The following RELN variants were observed in gnomAD, a reference collection of about 807,000 sequenced individuals.
The protein encoded by RELN is reelin.
Under a neutral mutation model 427.6 loss-of-function variants are expected in RELN, and 108 were observed. That is an observed-to-expected ratio of 0.25 (90% confidence interval 0.22 to 0.30). RELN has a LOEUF of 0.30. RELN is among the 10% of genes least tolerant of loss of function. RELN has a pLI of 1.00. For missense variants in RELN, 3,715 were observed against 4,302.8 expected, an observed-to-expected ratio of 0.86 and a Z score of 3.82; for synonymous variants, 1,524 against 1,513.4, an observed-to-expected ratio of 1.01 and a Z score of -0.16.
rs1031788634 is a variant in RELN at position 103,604,537 on chromosome 7, T to A, written c.3009-54A>T. ...CGGTTTCAACCTTTCAGCAGTGACATTGGCAAAGAATGTCAGAGTCCAAAA... is the reference window on the plus strand; with the variant it reads ...CGGTTTCAACCTTTCAGCAGTGACAATGGCAAAGAATGTCAGAGTCCAAAA... On this transcript the variant is annotated intron_variant, in intron 22 of 64. Coordinates refer to ENST00000428762, the MANE Select transcript of RELN (RefSeq NM_005045.4). 9 of 1,597,828 alleles carry A rather than the reference T, an allele frequency of 5.6e-6. No homozygotes were observed. The African/African-American group carries it at 9.4e-5, about 17-fold the overall frequency.
At chr7:103,483,879 T>TTTTA (rs758233251) in intron 61 of RELN, 29 bp from the exon 62 acceptor site, 21 of 1,601,474 alleles carry the variant, frequency 1.3e-5, no homozygotes, top group South Asian at 4.4e-5. Context: ...TCATCTTTAT[T>TTTTA]TTTATTTATT....
intron 44 of RELN, among the ~76,000 whole-genome samples, chr7:103,539,916 C>T (rs913267731): frequency 6.6e-6 from 1 of 152,202 alleles, no homozygotes; most frequent in Admixed American, 6.5e-5. Context: ...CCTTGTATCA[C>T]GCTTGATAAA....
chr7:103,635,342 A>T, intron 19 of RELN, 83 bp downstream of exon 19: 1 of 1,485,392 alleles, frequency 6.7e-7, no homozygotes. Flanking sequence ...AAAAATATCT[A>T]GAATTTTATA....
rs1833132297 is a variant in RELN at position 103,661,225 on chromosome 7, GA to G, written c.1441+150del. ...AGCGGGGCTGGCCTGAAACACGGGG[GA>G]GTACCACAGGCTTCTGCTCTGTCTG... is the stretch of plus-strand genomic sequence containing the variant. On this transcript the variant is annotated intron_variant, in intron 12 of 64. Coordinates refer to ENST00000428762, the MANE Select transcript of RELN (RefSeq NM_005045.4). The G allele has an allele frequency of 2.0e-5, 17 of 839,322 alleles. No homozygotes were observed. In the East Asian group the frequency reaches 4.5e-4, roughly 22 times the overall value. 52.0% of individuals were successfully genotyped at this position (839,322 alleles called of 1,614,324 possible). A position where few individuals can be genotyped will look rare whatever the true frequency, so the allele number is the denominator to read the frequency against.
At chr7:103,758,399 T>C (rs977189090) in intron 4 of RELN, among the ~76,000 whole-genome samples, 2 of 152,100 alleles carry the variant, frequency 1.3e-5, no homozygotes, top group African/African-American at 2.4e-5. Context: ...AAAAAACAAG[T>C]AAAAGCAAGC....
intron 10 of RELN, among the ~76,000 whole-genome samples, chr7:103,687,092 T>C (rs1410558004): frequency 6.6e-6 from 1 of 152,156 alleles, no homozygotes; most frequent in Non-Finnish European, 1.5e-5. Context: ...TGTACTACGA[T>C]TTTTAAAGAT....
At chr7:103,596,909 T>A (rs543606082) in intron 24 of RELN, among the ~76,000 whole-genome samples, 4 of 152,210 alleles carry the variant, frequency 2.6e-5, no homozygotes, top group Non-Finnish European at 5.9e-5. Flanking sequence ...CCCTTGGGAA[T>A]TGCTAATTAC....
intron 16 of RELN, among the ~76,000 whole-genome samples, chr7:103,645,639 C>T (rs1832782706): frequency 6.6e-6 from 1 of 151,684 alleles, no homozygotes; most frequent in Non-Finnish European, 1.5e-5. Flanking sequence ...ACAAATACTA[C>T]TAGACCTAAG....
rs114737454 is a variant in RELN at position 103,576,969 on chromosome 7, C to T, written c.4146-1264G>A. On this transcript the variant is annotated intron_variant, in intron 28 of 64. Coordinates refer to ENST00000428762, the MANE Select transcript of RELN (RefSeq NM_005045.4). ...GTGCACACACGCACACACACACACA[C>T]ATATGTACACACACTCCTATAATTT... 6.7e-3 allele frequency among the ~76,000 whole-genome samples: 1,013 copies of T among 152,262 alleles called. 12 individuals carry two copies. Among genetic ancestry groups the T allele is most frequent in the African/African-American group, 0.023 (956 of 41,548 alleles).
rs78900396 is a variant in RELN at position 103,769,873 on chromosome 7, C to T, written c.544+6684G>A. Among the ~76,000 whole-genome samples the T allele has an allele frequency of 7.6e-3, 1,150 of 152,202 alleles. 11 individuals are homozygous for T. The highest frequency in any genetic ancestry group is 0.026 in the African/African-American group (1,064 of 41,526). On this transcript the variant is annotated intron_variant, in intron 4 of 64. Transcript: ENST00000428762. ...CTCGAAATCACAATGTGCCAAGCAC[C>T]CTCTTTCCTGGCTCTTAGGAGCGAC...
At position 103,936,743 on chromosome 7, in the gene RELN, GACACACAC is replaced by G. The variant is rs57505374; in HGVS notation, c.227-19566_227-19559del. 6.3e-3 allele frequency among the ~76,000 whole-genome samples: 874 copies of G among 139,748 alleles called. 7 individuals carry two copies. Among genetic ancestry groups the G allele is most frequent in the African/African-American group, 0.021 (809 of 38,098 alleles). The allele number at this position is 139,748 out of a possible 152,430, so 91.7% of individuals were successfully genotyped here. A position where few individuals can be genotyped will look rare whatever the true frequency, so the allele number is the denominator to read the frequency against. ...ACACACACAGACAGACAGACAGACA[GACACACAC>G]ACACACACACACACACACACACACT... is the stretch of plus-strand genomic sequence containing the variant. On this transcript the variant is annotated intron_variant, in intron 1 of 64. Coordinates refer to ENST00000428762, the MANE Select transcript of RELN (RefSeq NM_005045.4).
At chr7:103,482,723 A>G in intron 63 of RELN, 150 bp downstream of exon 63, 4 of 1,508,102 alleles carry the variant, frequency 2.7e-6, no homozygotes, top group Non-Finnish European at 2.7e-6. Flanking sequence ...TTTGAGCTAT[A>G]GCTTGCAGTT....
chr7:103,790,045 G>A (rs905183501), intron 3 of RELN, among the ~76,000 whole-genome samples: 4 of 152,200 alleles, frequency 2.6e-5, no homozygotes, highest in Non-Finnish European at 5.9e-5. Context: ...GGACATGGAT[G>A]AAGCTGGAAA....
At chr7:103,881,995 T>C (rs982635367) in intron 2 of RELN, among the ~76,000 whole-genome samples, 1 of 152,076 alleles carries the variant, frequency 6.6e-6, no homozygotes, top group Non-Finnish European at 1.5e-5. Context: ...AATCAATCAA[T>C]CAGTCAAACA....
Position 103,593,755 on chromosome 7 carries a change from C to G in RELN, c.3839G>C (p.Gly1280Ala). The G allele has an allele frequency of 6.2e-7, 1 of 1,614,022 alleles. No homozygotes were observed. The highest frequency in any genetic ancestry group is 1.1e-5 in the South Asian group (1 of 91,082). The change falls in exon 27 of 65, where the codon GGA becomes GCA. Residue 1280 changes from glycine to alanine, a missense_variant. Physicochemically the swap from Gly to Ala is moderately conservative, Grantham distance 60. Coordinates refer to ENST00000428762, the MANE Select transcript of RELN (RefSeq NM_005045.4). The stretch of plus-strand genomic sequence containing the variant: ...TGCAAATCGATCTCCATCTGATTTT[C>G]CAAATATCATTGCTGATGGTGTGGC... ...CAATPSAMIF[G>A]KSDGDRFAVT...
chr7:103,566,286 C>T lies in RELN; in HGVS notation c.4874G>A (p.Gly1625Glu), dbSNP rs2117188300. Reference protein sequence around the residue: ...DLQANWYRIQGGQVDIDCLSM... With the variant: ...DLQANWYRIQEGQVDIDCLSM... ...GAGACAGTCAATATCAACTTGACCT[C>T]CTTGGATTCGATACCAGTTGGCTTG... Residue 1625 changes from glycine to glutamate, a missense_variant, in exon 33 of 65, where the codon GGA becomes GAA. Physicochemically the swap from Gly to Glu is moderately conservative, Grantham distance 98. This residue lies in a region of RELN where 2,208 missense variants were observed against 2,361.7 expected (regional missense o/e 0.93). Coordinates refer to ENST00000428762, the MANE Select transcript of RELN (RefSeq NM_005045.4). The T allele has an allele frequency of 6.2e-7, 1 of 1,614,036 alleles. No homozygotes were observed. Among genetic ancestry groups the T allele is most frequent in the Admixed American group, 1.7e-5 (1 of 60,006 alleles).
At chr7:103,629,020 C>T (rs1048382754) in intron 20 of RELN, among the ~76,000 whole-genome samples, 1 of 152,170 alleles carries the variant, frequency 6.6e-6, no homozygotes, top group Non-Finnish European at 1.5e-5. Context: ...TGGTCACTCT[C>T]GCCTGGGGGA....
In RELN at chr7:103,740,570, A is replaced by G. The variant is rs141200428; in HGVS notation, c.656+8856T>C. Among the ~76,000 whole-genome samples, 115 of 152,364 alleles carry G rather than the reference A, an allele frequency of 7.5e-4. No individual in the cohort carries two copies. In the South Asian group the frequency reaches 0.012, roughly 16 times the overall value. ...ACTGTCATAAAAAACTTGGAAGAGT[A>G]ACTTATCTGTTACCTTTATTTATAA... On this transcript the variant is annotated intron_variant, in intron 6 of 64. Transcript: ENST00000428762.
intron 28 of RELN, among the ~76,000 whole-genome samples, chr7:103,584,968 A>G (rs181766111): frequency 3.9e-4 from 60 of 152,252 alleles, no homozygotes; most frequent in African/African-American, 1.4e-3. Flanking sequence ...CTGATCTTTG[A>G]GTAAGTGATG....
Sources: allele counts gnomAD v4.1 joint callset (sites outside exome capture counted in the v4.1 genomes callset), GRCh38; gene constraint gnomAD v4.1.1; regional missense constraint gnomAD v4.1.1; transcripts MANE v1.5; gene names NCBI Gene and HGNC (gene_info 2026-07-23, HGNC 2026-07-21).